Variants in ARID5B observed in about 807,000 individuals in gnomAD.
ARID5B encodes AT-rich interactive domain-containing protein 5B.
A neutral mutation model predicts 97.2 loss-of-function variants in ARID5B; 13 were observed. That is an observed-to-expected ratio of 0.13 (90% CI 0.09 to 0.21). The LOEUF is 0.21. ARID5B is among the 10% of genes least tolerant of loss of function. The probability of loss-of-function intolerance (pLI) is 1.00; values close to 1 mark genes in which losing one functional copy is unlikely to be tolerated. For missense variants in ARID5B, 1,210 were observed against 1,465.3 expected (o/e 0.83, Z 2.84); for synonymous variants, 556 against 570.3 (o/e 0.97, Z 0.36).
At chr10:62,045,793 G>C (rs1258051736) in intron 4 of ARID5B, among the ~76,000 whole-genome samples, 1 of 152,172 alleles carries the variant, frequency 6.6e-6, no homozygotes, top group Admixed American at 6.5e-5. Context: ...AAGCATTACA[G>C]AAATGCAGGG....
intron 4 of ARID5B, among the ~76,000 whole-genome samples, chr10:62,014,143 T>C (rs974592925): frequency 3.9e-5 from 6 of 152,180 alleles, no homozygotes; most frequent in Admixed American, 3.9e-4. Context: ...CTGGATCATA[T>C]GGTAATTCTA....
intron 2 of ARID5B, among the ~76,000 whole-genome samples, chr10:61,903,235 G>C (rs1168419484): frequency 6.6e-6 from 1 of 152,030 alleles, no homozygotes; most frequent in East Asian, 1.9e-4. Flanking sequence ...CGGGTCCAGC[G>C]TTCTCCGTGC....
intron 4 of ARID5B, among the ~76,000 whole-genome samples, chr10:62,036,628 C>T (rs1182787064): frequency 6.6e-6 from 1 of 152,182 alleles, no homozygotes; most frequent in Non-Finnish European, 1.5e-5. Flanking sequence ...TCCCATTTGA[C>T]TTTATTAATT....
At chr10:61,940,618 C>T (rs1183614588) in intron 3 of ARID5B, among the ~76,000 whole-genome samples, 1 of 151,700 alleles carries the variant, frequency 6.6e-6, no homozygotes, top group African/African-American at 2.4e-5. Context: ...TATGTATGGA[C>T]CCTTGTGCTG....
intron 3 of ARID5B, among the ~76,000 whole-genome samples, chr10:61,974,793 T>C (rs1838677593): frequency 6.6e-6 from 1 of 152,140 alleles, no homozygotes; most frequent in Non-Finnish European, 1.5e-5. Flanking sequence ...AAATCTGTAG[T>C]TGTAAATCGT....
At chr10:62,057,967 A>G (rs1839878208) in intron 6 of ARID5B, among the ~76,000 whole-genome samples, 1 of 152,204 alleles carries the variant, frequency 6.6e-6, no homozygotes, top group East Asian at 1.9e-4. Context: ...GCAACCGAAT[A>G]TATATTTTGC....
chr10:62,050,278 C>T (rs1350772252), intron 4 of ARID5B, among the ~76,000 whole-genome samples: 1 of 152,110 alleles, frequency 6.6e-6, no homozygotes, highest in Non-Finnish European at 1.5e-5. Flanking sequence ...ATGTATCTGT[C>T]AGATTTGTTG....
At chr10:62,055,876 G>A (rs1839849382) in intron 5 of ARID5B, among the ~76,000 whole-genome samples, 1 of 76,684 alleles carries the variant, frequency 1.3e-5, no homozygotes. Context: ...TAGGAAGGAG[G>A]AGCTGCAGGG....
intron 3 of ARID5B, among the ~76,000 whole-genome samples, chr10:61,965,085 A>G (rs889445440): frequency 6.6e-6 from 1 of 152,228 alleles, no homozygotes; most frequent in South Asian, 2.1e-4. Context: ...GGGGGATACT[A>G]ATGGTTAGTC....
intron 4 of ARID5B, among the ~76,000 whole-genome samples, chr10:62,004,204 T>C (rs1839118280): frequency 6.6e-6 from 1 of 152,216 alleles, no homozygotes; most frequent in African/African-American, 2.4e-5. Context: ...TTTATTCAGG[T>C]CCCTTCCTTG....
At chr10:62,014,817 A>G (rs935291717) in intron 4 of ARID5B, among the ~76,000 whole-genome samples, 3 of 152,190 alleles carry the variant, frequency 2.0e-5, no homozygotes, top group Non-Finnish European at 1.5e-5. Flanking sequence ...GCTTTGAACA[A>G]TGTCATTAGC....
intron 2 of ARID5B, 65 bp downstream of exon 2, chr10:61,902,478 A>G: frequency 6.4e-7 from 1 of 1,574,266 alleles, no homozygotes; most frequent in South Asian, 1.2e-5. Context: ...TGCTTATTAC[A>G]GGGCAAGCTT....
chr10:62,086,476 C>T (rs7913929), intron 9 of ARID5B, among the ~76,000 whole-genome samples: 4,752 of 151,622 alleles, frequency 0.031, 250 homozygotes, highest in African/African-American at 0.11. Flanking sequence ...CTGAGGCGGG[C>T]GGATCACAAG....
chr10:62,088,291 G>A (rs563911469), intron 9 of ARID5B, among the ~76,000 whole-genome samples: 1 of 152,290 alleles, frequency 6.6e-6, no homozygotes, highest in Non-Finnish European at 1.5e-5. Context: ...TTATTATAGG[G>A]TTTCAGATGA....
chr10:62,030,117 C>CTTTTCT (rs976390071), intron 4 of ARID5B, among the ~76,000 whole-genome samples: 2 of 151,538 alleles, frequency 1.3e-5, no homozygotes, highest in African/African-American at 2.4e-5. Flanking sequence ...CAGGGTTTTT[C>CTTTTCT]TTTTCTTTTT....
intron 2 of ARID5B, among the ~76,000 whole-genome samples, chr10:61,930,405 T>A (rs1844183820): frequency 1.3e-5 from 2 of 152,116 alleles, no homozygotes; most frequent in African/African-American, 4.8e-5. Flanking sequence ...AGAGCAGGCA[T>A]GCTTACTGTC....
intron 3 of ARID5B, among the ~76,000 whole-genome samples, chr10:61,967,925 C>G (rs779954453): frequency 6.6e-6 from 1 of 151,858 alleles, no homozygotes; most frequent in African/African-American, 2.4e-5. Flanking sequence ...TGTAGATAAC[C>G]ATCTATTTGT....
In ARID5B at chr10:62,090,848, A is replaced by C. The variant is rs1443547866; in HGVS notation, c.1399-14A>C. 6.5e-7 allele frequency: 1 copy of C among 1,545,354 alleles called. No homozygotes were observed. Among genetic ancestry groups the C allele is most frequent in the East Asian group, 2.3e-5 (1 of 44,274 alleles). On this transcript the variant is annotated splice_polypyrimidine_tract_variant and intron_variant, in intron 9 of 9. Coordinates refer to ENST00000279873, the MANE Select transcript of ARID5B (RefSeq NM_032199.3). ...TTGGTTTTCTTCTGACTGTCTTTTG[A>C]AATATGTTACCAGGTTTCATCAGAG...
At chr10:61,971,941 A>C (rs902048840) in intron 3 of ARID5B, among the ~76,000 whole-genome samples, 4 of 152,182 alleles carry the variant, frequency 2.6e-5, no homozygotes, top group African/African-American at 7.2e-5. Flanking sequence ...GGCATGAGCA[A>C]GTATTTGAGC....
Sources: allele counts gnomAD v4.1 joint callset (sites outside exome capture counted in the v4.1 genomes callset), GRCh38; gene constraint gnomAD v4.1.1; transcripts MANE v1.5; gene names NCBI Gene and HGNC (gene_info 2026-07-23, HGNC 2026-07-21).